SUN1: variants seen among roughly 807,000 people sequenced by gnomAD.
SUN1 encodes SUN domain-containing protein 1.
Under a neutral mutation model 103.2 loss-of-function variants are expected in SUN1, and 61 were observed. The observed-to-expected ratio is 0.59, with a 90% CI of 0.48 to 0.73. The LOEUF is 0.73. Ranked by LOEUF, SUN1 falls within the 30% of genes least tolerant of loss-of-function variation. The pLI, the probability that SUN1 is intolerant of heterozygous loss-of-function variation, is 0.00. For synonymous variants in SUN1, 490 were observed against 425.7 expected, an observed-to-expected ratio of 1.15 and a Z score of -1.86; for missense variants, 1,052 against 1,034.6, an observed-to-expected ratio of 1.02 and a Z score of -0.23.
At chr7:869,637 G>C in intron 17 of SUN1, 121 bp downstream of exon 17, 1 of 1,233,546 alleles carries the variant, frequency 8.1e-7, no homozygotes, top group South Asian at 1.5e-5. Flanking sequence ...CCCTCTCTCA[G>C]ATTCGGTGTT....
intron 17 of SUN1, 49 bp downstream of exon 17, chr7:869,565 C>G: frequency 6.3e-7 from 1 of 1,589,370 alleles, no homozygotes; most frequent in Non-Finnish European, 8.6e-7. Flanking sequence ...CCTGGGAGTT[C>G]CCACAGATGA....
In SUN1 at chr7:860,203, C is replaced by A. The variant is rs1414856610; in HGVS notation, c.1600C>A (p.Leu534Met). Reference protein sequence around the residue: ...DQQGGSLEQLLQRFSSQFVSK... With the variant: ...DQQGGSLEQLMQRFSSQFVSK... ...GCAAGGCGGTTCTCTGGAACAGCTG[C>A]TGCAGAGGTTCTCATCACAGTTTGT... The change falls in exon 14 of 19, where the codon CTG becomes ATG. Residue 534 changes from leucine to methionine, a missense_variant. Around this residue, in one of 2 missense-constraint regions of SUN1, gnomAD observed 846 missense variants for 774.5 expected, o/e 1.09. Transcript: ENST00000401592. 1.9e-6 allele frequency: 3 copies of A among 1,614,246 alleles called. No individual in the cohort carries two copies. The highest frequency in any genetic ancestry group is 1.1e-5 in the South Asian group (1 of 91,088).
chr7:852,022 T>A lies in SUN1; in HGVS notation c.830T>A (p.Leu277Gln). 2 of 1,614,148 alleles carry A rather than the reference T, an allele frequency of 1.2e-6. No individual in the cohort carries two copies. Among genetic ancestry groups the A allele is most frequent in the Non-Finnish European group, 1.7e-6 (2 of 1,179,974 alleles). The part of the protein sequence containing the change: ...WYQFVTLISW[L>Q]NVFLLTRCLR... ...CAGTTTGTTACTTTGATTTCTTGGC[T>A]GAATGTGTTTCTTCTTACCAGGTAA... Residue 277 changes from leucine to glutamine, a missense_variant, in exon 7 of 19, where the codon CTG becomes CAG. Physicochemically the swap from Leu to Gln is moderately radical, Grantham distance 113 (BLOSUM62 -2). This residue lies in a region of SUN1 where 846 missense variants were observed against 774.5 expected (regional missense o/e 1.09). Transcript: ENST00000401592.
chr7:851,889 A>G (rs948131198), intron 6 of SUN1, 61 bp from the exon 7 acceptor site: 5 of 1,567,736 alleles, frequency 3.2e-6, no homozygotes, highest in African/African-American at 1.4e-5. Flanking sequence ...GAAATGGTCC[A>G]TTTAGGAGCT....
intron 1 of SUN1, chr7:817,611 C>A: frequency 1.6e-6 from 2 of 1,283,330 alleles, no homozygotes; most frequent in South Asian, 2.8e-5. Context: ...AAGCTTCAGT[C>A]ATAGTATTGC....
chr7:872,558 C>T lies in SUN1; in HGVS notation c.2237C>T (p.Ala746Val), dbSNP rs189728809. The T allele has an allele frequency of 2.2e-4, 348 of 1,583,230 alleles. 2 individuals carry two copies. In the African/African-American group the frequency reaches 4.2e-3, roughly 19 times the overall value. The part of the protein sequence containing the change: ...QDGESLQMFQ[A>V]LKRPDDTAFQ... ...GGGGAGTCGCTCCAGATGTTCCAGG[C>T]CCTGGTAAGAACTGGGACTGGCACT... Residue 746 changes from alanine (A) to valine (V), a missense_variant, in exon 18 of 19, where the codon GCC becomes GTC. Physicochemically the swap from Ala to Val is moderately conservative, Grantham distance 64. Transcript: ENST00000401592.
At chr7:852,984 C>A (rs1258963091) in intron 9 of SUN1, 32 bp downstream of exon 9, 2 of 1,597,148 alleles carry the variant, frequency 1.3e-6, no homozygotes, top group African/African-American at 1.3e-5. Flanking sequence ...TCAGCTGGCA[C>A]TGCACATGTG....
rs138103698 is a variant in SUN1 at position 846,737 on chromosome 7, C to T, written c.658+3217C>T. ...AAAAAGCAGAAACAAATTAGCTGGG[C>T]ATGGTGGCATGTGCCTGTACTTCCA... On this transcript the variant is annotated intron_variant, in intron 5 of 18. Transcript: ENST00000401592. Among the ~76,000 whole-genome samples the T allele has an allele frequency of 5.7e-3, 871 of 151,964 alleles. 3 individuals carry two copies. The highest frequency in any genetic ancestry group is 0.021 in the South Asian group (103 of 4,802).
At chr7:848,773 G>T (rs1819030196) in intron 5 of SUN1, among the ~76,000 whole-genome samples, 1 of 152,128 alleles carries the variant, frequency 6.6e-6, no homozygotes, top group Non-Finnish European at 1.5e-5. Context: ...TGCATCCCTG[G>T]GAGCTTGTGG....
At position 853,410 on chromosome 7, in the gene SUN1, G is replaced by A. The variant is rs1020606766; in HGVS notation, c.1055G>A (p.Gly352Asp). 6.2e-7 allele frequency: 1 copy of A among 1,613,522 alleles called. No individual in the cohort carries two copies. Among genetic ancestry groups the A allele is most frequent in the Non-Finnish European group, 8.5e-7 (1 of 1,180,034 alleles). Reference protein sequence around the residue: ...TTSRLKQPLQGDSEAFPWHWM... With the variant: ...TTSRLKQPLQDDSEAFPWHWM... ...TTCATTTCTCTCTTGCCATTTCAGG[G>A]TGACAGTGAGGCTTTTCCGTGGCAT... The change falls in exon 10 of 19, where the codon GGT becomes GAT. Residue 352 changes from glycine (G) to aspartate (D), a missense_variant and splice_region_variant. Gly to Asp is a moderately conservative substitution (Grantham distance 94, BLOSUM62 -1). This residue lies in a region of SUN1 where 846 missense variants were observed against 774.5 expected (regional missense o/e 1.09). Coordinates refer to ENST00000401592, the MANE Select transcript of SUN1 (RefSeq NM_001130965.3).
chr7:862,109 C>A (rs904085161), intron 15 of SUN1, among the ~76,000 whole-genome samples: 1 of 152,236 alleles, frequency 6.6e-6, no homozygotes, highest in Non-Finnish European at 1.5e-5. Context: ...AGAGCTAGAC[C>A]TGCTTCACGT....
In SUN1 at chr7:854,913, T is replaced by A; in HGVS notation, c.1264-7T>A. Reference sequence around the variant, plus strand: ...CCATCATTTGTTCACTCCTTCTCTTTCCTAAGACTGACTTTATGGCCTTTC... The same window carrying A: ...CCATCATTTGTTCACTCCTTCTCTTACCTAAGACTGACTTTATGGCCTTTC... On this transcript the variant is annotated splice_region_variant and splice_polypyrimidine_tract_variant and intron_variant, in intron 10 of 18. Transcript: ENST00000401592. 9 of 1,609,358 alleles carry A rather than the reference T, an allele frequency of 5.6e-6. No individual in the cohort carries two copies. Among genetic ancestry groups the A allele is most frequent in the Non-Finnish European group, 7.6e-6 (9 of 1,177,494 alleles).
intron 5 of SUN1, chr7:849,943 A>G (rs1820298966): frequency 1.9e-6 from 3 of 1,599,702 alleles, no homozygotes; most frequent in Non-Finnish European, 2.5e-6. Context: ...TAAGGGCAAG[A>G]GGCACCTCGA....
chr7:822,112 C>A (rs1786704594), intron 1 of SUN1, among the ~76,000 whole-genome samples: 1 of 152,150 alleles, frequency 6.6e-6, no homozygotes, highest in East Asian at 1.9e-4. Flanking sequence ...TTTGCTTCCA[C>A]TGGGATAAAA....
Position 856,392 on chromosome 7 carries a change from A to C in SUN1, c.1385A>C (p.Lys462Thr). ...AAGGAACTAGAACAGACCAAGCAAA[A>C]AACAATCAGGTAGGAGGATTTGGAA... ...IQKELEQTKQ[K>T]TISAVGEQLL... Residue 462 changes from lysine (K) to threonine (T), a missense_variant, in exon 12 of 19, where the codon AAA becomes ACA. Physicochemically the swap from Lys to Thr is moderately conservative, Grantham distance 78. Around this residue, in one of 2 missense-constraint regions of SUN1, gnomAD observed 846 missense variants for 774.5 expected, o/e 1.09. Transcript: ENST00000401592. 6.2e-7 allele frequency: 1 copy of C among 1,614,142 alleles called. No homozygotes were observed. Among genetic ancestry groups the C allele is most frequent in the Non-Finnish European group, 8.5e-7 (1 of 1,180,020 alleles).
chr7:861,611 GA>G (rs1430857706), intron 15 of SUN1, 147 bp downstream of exon 15: 1 of 801,704 alleles, frequency 1.2e-6, no homozygotes, highest in Non-Finnish European at 2.1e-6. Flanking sequence ...TTCTGGGCAT[GA>G]CCCTGGTGTT....
In SUN1 at chr7:857,832, G is replaced by A. The variant is rs1828930546; in HGVS notation, c.1399G>A (p.Val467Ile). 1.3e-6 allele frequency: 2 copies of A among 1,580,032 alleles called. No homozygotes were observed. Among genetic ancestry groups the A allele is most frequent in the Non-Finnish European group, 1.7e-6 (2 of 1,157,086 alleles). Residue 467 changes from valine to isoleucine, a missense_variant, in exon 13 of 19, where the codon GTT (valine) becomes ATT (isoleucine). Transcript: ENST00000401592. ...EQTKQKTISA[V>I]GEQLLPTVEH... Reference sequence around the variant, plus strand: ...ATTCTCACTGTTGGATTCCAGTGCGGTTGGTGAGCAGCTCCTGCCCACAGT... The same window carrying A: ...ATTCTCACTGTTGGATTCCAGTGCGATTGGTGAGCAGCTCCTGCCCACAGT...
upstream of SUN1, chr7:816,215 A>T (rs973107361): frequency 3.1e-5 from 1 of 32,696 alleles, no homozygotes; most frequent in Non-Finnish European, 4.9e-5. Context: ...CCCCTCCCCC[A>T]GGTGCAGACC....
At position 873,363 on chromosome 7, in the gene SUN1, T is replaced by G. The variant is rs1842969972; in HGVS notation, c.*32T>G. 1.3e-6 allele frequency: 2 copies of G among 1,579,938 alleles called. No individual in the cohort carries two copies. Among genetic ancestry groups the G allele is most frequent in the East Asian group, 4.5e-5 (2 of 44,698 alleles). On this transcript the variant is annotated 3_prime_UTR_variant, in exon 19 of 19. Coordinates refer to ENST00000401592, the MANE Select transcript of SUN1 (RefSeq NM_001130965.3). ...TACTCATTATTTTTGTACATTTTTG[T>G]ATATACTGGGACAGCGTGAAACACT...
Sources: allele counts gnomAD v4.1 joint callset (sites outside exome capture counted in the v4.1 genomes callset), GRCh38; gene constraint gnomAD v4.1.1; regional missense constraint gnomAD v4.1.1; transcripts MANE v1.5; gene names NCBI Gene and HGNC (gene_info 2026-07-23, HGNC 2026-07-21).